SH3RF3: variants seen among roughly 807,000 people sequenced by gnomAD.
SH3RF3 encodes E3 ubiquitin-protein ligase SH3RF3.
A neutral mutation model predicts 66.3 loss-of-function variants in SH3RF3; 29 were observed. The ratio of observed to expected loss-of-function variants is 0.44; its 90% CI spans 0.33 to 0.60. The LOEUF is 0.60. Among genes scored for constraint, SH3RF3 ranks in the 20% least tolerant of loss-of-function variants. The pLI, the probability that SH3RF3 is intolerant of heterozygous loss-of-function variation, is 0.04. For missense variants in SH3RF3, 1,194 were observed against 1,190.9 expected, an observed-to-expected ratio of 1.00 and a Z score of -0.04; for synonymous variants, 583 against 532.0, an observed-to-expected ratio of 1.10 and a Z score of -1.32.
intron 3 of SH3RF3, among the ~76,000 whole-genome samples, chr2:109,389,651 T>G (rs2104407709): frequency 6.6e-6 from 1 of 152,352 alleles, no homozygotes; most frequent in Non-Finnish European, 1.5e-5. Context: ...TTACTGAAAT[T>G]TTAACTTGTT....
At position 109,318,691 on chromosome 2, in the gene SH3RF3, A is replaced by ATGCCCTGGCCAGAATCCGGGGC. The variant is rs1219412987; in HGVS notation, c.574-28970_574-28949dup. On this transcript the variant is annotated intron_variant, in intron 1 of 9. Transcript: ENST00000309415. ...GGAAGCCAGAATGGTCTCTCAGATC[A>ATGCCCTGGCCAGAATCCGGGGC]TGCCCTGGCCAGAATCCGGGGCTGC... Among the ~76,000 whole-genome samples the ATGCCCTGGCCAGAATCCGGGGC allele has an allele frequency of 5.3e-5, 8 of 152,286 alleles. No individual in the cohort carries two copies. The South Asian group carries it at 1.0e-3, about 20-fold the overall frequency.
chr2:109,226,273 T>TAAC (rs1679372130), intron 1 of SH3RF3, among the ~76,000 whole-genome samples: 1 of 152,198 alleles, frequency 6.6e-6, no homozygotes, highest in Admixed American at 6.5e-5. Flanking sequence ...ATAGTTAATG[T>TAAC]AAGAGTAGTT....
intron 1 of SH3RF3, among the ~76,000 whole-genome samples, chr2:109,133,853 A>C (rs1357078222): frequency 6.6e-6 from 1 of 152,150 alleles, no homozygotes; most frequent in African/African-American, 2.4e-5. Flanking sequence ...ATCCCTGATA[A>C]GCACAGGCTT....
intron 9 of SH3RF3, among the ~76,000 whole-genome samples, chr2:109,498,629 A>G (rs1332044310): frequency 6.6e-6 from 1 of 152,238 alleles, no homozygotes; most frequent in African/African-American, 2.4e-5. Flanking sequence ...CTGAAAATCC[A>G]CATTCCCTAG....
At chr2:109,277,236 T>A (rs1680777795) in intron 1 of SH3RF3, among the ~76,000 whole-genome samples, 1 of 152,184 alleles carries the variant, frequency 6.6e-6, no homozygotes, top group South Asian at 2.1e-4. Flanking sequence ...TTCGGATGTG[T>A]CACACTTGGC....
intron 1 of SH3RF3, among the ~76,000 whole-genome samples, chr2:109,324,820 C>T (rs1172624535): frequency 6.6e-6 from 1 of 152,214 alleles, no homozygotes; most frequent in Admixed American, 6.5e-5. Context: ...ACTCCAAGGA[C>T]AGTACTCTCC....
intron 4 of SH3RF3, among the ~76,000 whole-genome samples, chr2:109,415,524 T>C (rs1676699689): frequency 2.0e-5 from 3 of 152,160 alleles, no homozygotes; most frequent in Admixed American, 6.5e-5. Flanking sequence ...GACCCCCTCC[T>C]GACTCCCTTG....
At chr2:109,195,162 T>C (rs1039175312) in intron 1 of SH3RF3, among the ~76,000 whole-genome samples, 15 of 152,204 alleles carry the variant, frequency 9.9e-5, no homozygotes, top group Non-Finnish European at 1.0e-4. Flanking sequence ...GACAATTTGG[T>C]TCTCTCTGAA....
At chr2:109,423,346 C>T (rs1676933294) in intron 5 of SH3RF3, among the ~76,000 whole-genome samples, 1 of 151,046 alleles carries the variant, frequency 6.6e-6, no homozygotes, top group African/African-American at 2.4e-5. Flanking sequence ...CAGGGATGAC[C>T]TCGCAGACCT....
intron 1 of SH3RF3, among the ~76,000 whole-genome samples, chr2:109,141,119 A>G (rs1463862959): frequency 6.6e-6 from 1 of 152,176 alleles, no homozygotes; most frequent in Non-Finnish European, 1.5e-5. Context: ...GACTTCATCC[A>G]GGTGGAAAGA....
chr2:109,436,848 G>T, intron 6 of SH3RF3, 45 bp from the exon 7 acceptor site: 1 of 1,590,610 alleles, frequency 6.3e-7, no homozygotes, highest in Non-Finnish European at 8.6e-7. Context: ...TGGCACGAAT[G>T]CCTCTGAGCC....
chr2:109,332,320 CTG>C, intron 1 of SH3RF3, among the ~76,000 whole-genome samples: 2 of 152,290 alleles, frequency 1.3e-5, no homozygotes, highest in East Asian at 3.9e-4. Context: ...CCTCCTGATT[CTG>C]TGTTCTGAGA....
chr2:109,303,156 G>A (rs1477764701), intron 1 of SH3RF3, among the ~76,000 whole-genome samples: 8 of 152,198 alleles, frequency 5.3e-5, no homozygotes, highest in African/African-American at 9.6e-5. Context: ...GACTGCAGGC[G>A]TGAGCCACCG....
chr2:109,271,486 A>C (rs1024360112), intron 1 of SH3RF3, among the ~76,000 whole-genome samples: 5 of 152,234 alleles, frequency 3.3e-5, no homozygotes, highest in Non-Finnish European at 7.3e-5. Context: ...CCGTAAATCA[A>C]CGTGAGACTT....
intron 1 of SH3RF3, among the ~76,000 whole-genome samples, chr2:109,270,586 G>A (rs1366499385): frequency 1.3e-5 from 2 of 152,164 alleles, no homozygotes; most frequent in Non-Finnish European, 2.9e-5. Flanking sequence ...AGGTCAAAGC[G>A]GACTTCATCC....
At chr2:109,394,500 G>T (rs1364337450) in intron 3 of SH3RF3, among the ~76,000 whole-genome samples, 3 of 152,228 alleles carry the variant, frequency 2.0e-5, no homozygotes, top group African/African-American at 7.2e-5. Flanking sequence ...ACCTGCACAG[G>T]TACCAGGAGC....
At chr2:109,409,836 T>A (rs1166405363) in intron 4 of SH3RF3, among the ~76,000 whole-genome samples, 1 of 152,080 alleles carries the variant, frequency 6.6e-6, no homozygotes, top group Non-Finnish European at 1.5e-5. Flanking sequence ...AGGGTCTGAT[T>A]TACACCCCGT....
At chr2:109,279,583 G>A (rs1048279696) in intron 1 of SH3RF3, among the ~76,000 whole-genome samples, 1 of 152,192 alleles carries the variant, frequency 6.6e-6, no homozygotes, top group Non-Finnish European at 1.5e-5. Context: ...TGCCTAGTGG[G>A]TGGGATTTCA....
At chr2:109,394,903 A>G (rs1267217298) in intron 3 of SH3RF3, among the ~76,000 whole-genome samples, 3 of 152,174 alleles carry the variant, frequency 2.0e-5, no homozygotes, top group African/African-American at 4.8e-5. Context: ...GGCTGCTCCT[A>G]ATGGGTGCAC....
Sources: gnomAD v4.1 joint callset for allele counts (sites outside exome capture counted in the v4.1 genomes callset) on GRCh38, gnomAD v4.1.1 for gene constraint, MANE v1.5 for transcripts, NCBI Gene and HGNC (gene_info 2026-07-23, HGNC 2026-07-21) for gene names.